Variants in CCDC93 observed in about 807,000 individuals in gnomAD.
CCDC93 encodes CCC complex scaffolding subunit CCDC93.
A neutral mutation model predicts 108.2 loss-of-function variants in CCDC93; 61 were observed. That is an observed-to-expected ratio of 0.56 (90% confidence interval 0.46 to 0.70). The LOEUF is 0.70. Among genes scored for constraint, CCDC93 ranks in the 30% least tolerant of loss-of-function variants. The probability of loss-of-function intolerance (pLI) is 0.00; values close to 1 mark genes in which losing one functional copy is unlikely to be tolerated. For missense variants in CCDC93, 685 were observed against 764.2 expected, an observed-to-expected ratio of 0.90 and a Z score of 1.22; for synonymous variants, 276 against 260.4, an observed-to-expected ratio of 1.06 and a Z score of -0.58.
At chr2:117,952,456 A>C in intron 12 of CCDC93, 21 bp from the exon 13 acceptor site, 1 of 1,557,146 alleles carries the variant, frequency 6.4e-7, no homozygotes, top group Non-Finnish European at 8.9e-7. Flanking sequence ...AAGATAAAAG[A>C]CATATGCTCT....
intron 21 of CCDC93, chr2:117,936,390 CTA>C (rs935721517): frequency 3.8e-5 from 10 of 262,984 alleles, no homozygotes; most frequent in Admixed American, 2.5e-4. Flanking sequence ...TAAAGCATCT[CTA>C]TGTGTTCATT....
chr2:117,949,197 G>C (rs1360412180), intron 14 of CCDC93, 125 bp downstream of exon 14: 2 of 682,080 alleles, frequency 2.9e-6, no homozygotes, highest in Non-Finnish European at 5.2e-6. Flanking sequence ...AAAATGATCT[G>C]ACCTGCAGGG....
At chr2:117,952,182 G>T (rs1679077963) in intron 13 of CCDC93, among the ~76,000 whole-genome samples, 191 bp downstream of exon 13, 1 of 151,888 alleles carries the variant, frequency 6.6e-6, no homozygotes, top group Admixed American at 6.6e-5. Context: ...AATGTGCAGT[G>T]TGGGCAAACT....
chr2:117,985,467 G>A, intron 7 of CCDC93: 1 of 965,492 alleles, frequency 1.0e-6, no homozygotes, highest in East Asian at 1.1e-4. Flanking sequence ...AAATTCAATG[G>A]GGAGAAGCAT....
rs552746058 is a variant in CCDC93 at position 117,969,390 on chromosome 2, C to A, written c.888+4518G>T. On this transcript the variant is annotated intron_variant, in intron 11 of 23. Transcript: ENST00000376300. ...CCCAGTAGAGCCTCAGATGAGACTG[C>A]AGCCTTGTAAGACTCACAGAGGGTG... is the stretch of plus-strand genomic sequence containing the variant. 3.3e-5 allele frequency among the ~76,000 whole-genome samples: 5 copies of A among 152,346 alleles called. No homozygotes were observed. In the South Asian group the frequency reaches 1.0e-3, roughly 32 times the overall value.
chr2:117,978,059 AC>A, intron 7 of CCDC93, 29 bp from the exon 8 acceptor site: 1 of 1,605,480 alleles, frequency 6.2e-7, no homozygotes, highest in South Asian at 1.1e-5. Flanking sequence ...GAGTTTAATT[AC>A]TACTTAAAAA....
chr2:117,989,760 C>T (rs896520223), intron 6 of CCDC93, among the ~76,000 whole-genome samples: 1 of 152,168 alleles, frequency 6.6e-6, no homozygotes, highest in African/African-American at 2.4e-5. Flanking sequence ...TAGTACCTGA[C>T]ATATAGTAAG....
chr2:117,935,472 T>C, intron 22 of CCDC93, 23 bp downstream of exon 22: 1 of 1,577,212 alleles, frequency 6.3e-7, no homozygotes, highest in Non-Finnish European at 8.7e-7. Flanking sequence ...CTGGGCTGCA[T>C]TACAGAAAAG....
intron 4 of CCDC93, chr2:117,999,190 G>A (rs1367227906): frequency 6.6e-6 from 1 of 152,144 alleles, no homozygotes; most frequent in African/African-American, 2.4e-5. Context: ...TTGAACCCAG[G>A]AGGTCTCCAG....
At chr2:117,963,529 T>C (rs1245744483) in intron 11 of CCDC93, among the ~76,000 whole-genome samples, 5 of 152,184 alleles carry the variant, frequency 3.3e-5, no homozygotes, top group African/African-American at 7.2e-5. Flanking sequence ...TGAAACTCAA[T>C]ACATGAATGC....
chr2:117,925,385 T>C (rs1170463256), intron 23 of CCDC93, among the ~76,000 whole-genome samples: 1 of 152,108 alleles, frequency 6.6e-6, no homozygotes, highest in Non-Finnish European at 1.5e-5. Context: ...CCATCTCATA[T>C]GCAGAGACAC....
intron 3 of CCDC93, among the ~76,000 whole-genome samples, chr2:118,005,241 C>T (rs1046406142): frequency 7.9e-5 from 12 of 152,060 alleles, no homozygotes; most frequent in Non-Finnish European, 1.5e-4. Context: ...CTAAGGATAT[C>T]GAAATGAAAA....
intron 23 of CCDC93, 194 bp downstream of exon 23, chr2:117,930,843 C>A: frequency 2.0e-6 from 1 of 501,322 alleles, no homozygotes. Context: ...TTAATTAGAC[C>A]TCAAGATGGG....
intron 6 of CCDC93, among the ~76,000 whole-genome samples, chr2:117,993,603 T>C (rs1276990940): frequency 6.6e-6 from 1 of 152,212 alleles, no homozygotes; most frequent in African/African-American, 2.4e-5. Flanking sequence ...GTAACATGAT[T>C]ATCACCTTGT....
In CCDC93 at chr2:117,986,207, C is replaced by T. The variant is rs543263536; in HGVS notation, c.520-138G>A. The T allele has an allele frequency of 5.5e-4, 299 of 545,676 alleles. No individual in the cohort carries two copies. The African/African-American group carries it at 5.8e-3, about 11-fold the overall frequency. The allele number at this position is 545,676 out of a possible 1,614,324, so 33.8% of individuals were successfully genotyped here. On this transcript the variant is annotated intron_variant, in intron 6 of 23. Transcript: ENST00000376300. ...TGAGACAGAGTCTCGCTCTGTCGCT[C>T]AGGCTGGAATGCAGTGGCGCGATCT...
chr2:117,944,780 G>T, intron 17 of CCDC93: 1 of 471,234 alleles, frequency 2.1e-6, no homozygotes, highest in South Asian at 1.5e-5. Flanking sequence ...CACTGGAAGA[G>T]TGCTGAAGCT....
intron 13 of CCDC93, 35 bp from the exon 14 acceptor site, chr2:117,949,430 C>G: frequency 2.0e-6 from 3 of 1,493,114 alleles, no homozygotes; most frequent in Non-Finnish European, 2.8e-6. Flanking sequence ...TTGCTGGAGC[C>G]TTGGTAGCAG....
At chr2:117,963,676 T>C (rs1679464636) in intron 11 of CCDC93, among the ~76,000 whole-genome samples, 1 of 152,204 alleles carries the variant, frequency 6.6e-6, no homozygotes, top group South Asian at 2.1e-4. Flanking sequence ...AGAATGCACT[T>C]AACATTTAGG....
intron 8 of CCDC93, among the ~76,000 whole-genome samples, chr2:117,975,531 T>C (rs1679915771): frequency 6.6e-6 from 1 of 152,150 alleles, no homozygotes; most frequent in South Asian, 2.1e-4. Flanking sequence ...GCCACACACA[T>C]TTGCCTGACT....
Sources: gnomAD v4.1 joint callset for allele counts (sites outside exome capture counted in the v4.1 genomes callset) on GRCh38, gnomAD v4.1.1 for gene constraint, MANE v1.5 for transcripts, NCBI Gene and HGNC (gene_info 2026-07-23, HGNC 2026-07-21) for gene names.